The following MAGI2 variants were observed in gnomAD, a reference collection of about 807,000 sequenced individuals.
The protein encoded by MAGI2 is membrane associated guanylate kinase, WW and PDZ domain containing 2, also known as membrane-associated guanylate kinase, WW and PDZ domain-containing protein 2.
A neutral mutation model predicts 133.3 loss-of-function variants in MAGI2; 35 were observed. The ratio of observed to expected loss-of-function variants is 0.26; its 90% CI spans 0.20 to 0.35. The LOEUF is 0.35. Ranked by LOEUF, MAGI2 falls within the 10% of genes least tolerant of loss-of-function variation. The pLI is 1.00. For synonymous variants in MAGI2, 729 were observed against 710.6 expected, an observed-to-expected ratio of 1.03 and a Z score of -0.41; for missense variants, 1,636 against 1,863.4, an observed-to-expected ratio of 0.88 and a Z score of 2.25.
intron 2 of MAGI2, among the ~76,000 whole-genome samples, chr7:78,667,121 C>T (rs569802274): frequency 6.6e-6 from 1 of 152,044 alleles, no homozygotes; most frequent in Non-Finnish European, 1.5e-5. Context: ...TACTCATTTT[C>T]CCCCAATAGT....
At chr7:78,697,751 C>A (rs1201585924) in intron 2 of MAGI2, among the ~76,000 whole-genome samples, 1 of 152,048 alleles carries the variant, frequency 6.6e-6, no homozygotes. Context: ...GTGAGCTTTG[C>A]AATTTTTTTC....
intron 6 of MAGI2, among the ~76,000 whole-genome samples, chr7:78,385,352 T>C (rs115038105): frequency 0.013 from 1,966 of 152,296 alleles, 41 homozygotes; most frequent in African/African-American, 0.043. Flanking sequence ...CTTATCCTTG[T>C]TCCAGGTGGA....
chr7:79,054,280 G>C (rs1310484741), intron 1 of MAGI2, among the ~76,000 whole-genome samples: 2 of 152,062 alleles, frequency 1.3e-5, no homozygotes, highest in Non-Finnish European at 2.9e-5. Context: ...ATAAGAAAAA[G>C]TAGGAAATCA....
At chr7:78,413,134 C>T (rs1009694807) in intron 6 of MAGI2, among the ~76,000 whole-genome samples, 1 of 152,036 alleles carries the variant, frequency 6.6e-6, no homozygotes, top group South Asian at 2.1e-4. Context: ...TCTTAGTTCC[C>T]TCACCCGTAA....
chr7:79,417,278 T>C (rs1026971662), intron 1 of MAGI2, among the ~76,000 whole-genome samples: 2 of 152,116 alleles, frequency 1.3e-5, no homozygotes, highest in African/African-American at 4.8e-5. Flanking sequence ...ATAGAATTGA[T>C]TCAAAACCTA....
intron 1 of MAGI2, among the ~76,000 whole-genome samples, chr7:79,116,894 C>A (rs1426134956): frequency 6.6e-6 from 1 of 152,148 alleles, no homozygotes; most frequent in Admixed American, 6.5e-5. Flanking sequence ...CAGAAAGACA[C>A]TAGCACTATG....
At chr7:78,209,185 G>A (rs1312661581) in intron 10 of MAGI2, among the ~76,000 whole-genome samples, 1 of 33,772 alleles carries the variant, frequency 3.0e-5, no homozygotes. Context: ...TCGCGCCACT[G>A]CACTCCACCC....
At chr7:78,112,404 G>A (rs534619255) in intron 20 of MAGI2, among the ~76,000 whole-genome samples, 6 of 152,294 alleles carry the variant, frequency 3.9e-5, no homozygotes, top group African/African-American at 1.4e-4. Context: ...AGGCACAATA[G>A]GGTTTTGCAT....
chr7:78,428,764 T>C (rs1296692592), intron 6 of MAGI2, among the ~76,000 whole-genome samples: 1 of 152,166 alleles, frequency 6.6e-6, no homozygotes, highest in Non-Finnish European at 1.5e-5. Flanking sequence ...CGTATATTTC[T>C]CTTCCCTCCA....
At chr7:79,127,391 G>T (rs1316807741) in intron 1 of MAGI2, among the ~76,000 whole-genome samples, 1 of 152,020 alleles carries the variant, frequency 6.6e-6, no homozygotes, top group African/African-American at 2.4e-5. Flanking sequence ...TTCCACAATG[G>T]TTGAACTAGT....
At chr7:78,525,217 T>A (rs918882869) in intron 3 of MAGI2, among the ~76,000 whole-genome samples, 1 of 152,278 alleles carries the variant, frequency 6.6e-6, no homozygotes. Flanking sequence ...AAGATTATCT[T>A]TATTGGCAAT....
intron 9 of MAGI2, among the ~76,000 whole-genome samples, chr7:78,256,914 C>G (rs566155685): frequency 7.0e-4 from 107 of 152,256 alleles, no homozygotes; most frequent in Non-Finnish European, 1.4e-3. Context: ...ATCTTATATT[C>G]CATCTTCAGT....
chr7:78,548,011 T>A (rs887097172), intron 3 of MAGI2, among the ~76,000 whole-genome samples: 28 of 152,228 alleles, frequency 1.8e-4, no homozygotes, highest in African/African-American at 6.5e-4. Flanking sequence ...TGCTGATTAA[T>A]ACAATATCTT....
At chr7:79,040,733 G>A (rs1004375292) in intron 1 of MAGI2, among the ~76,000 whole-genome samples, 10 of 152,010 alleles carry the variant, frequency 6.6e-5, no homozygotes, top group Admixed American at 1.3e-4. Flanking sequence ...CATTTCCCCC[G>A]CTTGCACTCA....
chr7:78,644,859 TAA>T (rs770781222), intron 2 of MAGI2, among the ~76,000 whole-genome samples: 2 of 151,954 alleles, frequency 1.3e-5, no homozygotes, highest in African/African-American at 4.8e-5. Context: ...ATAAAACTGA[TAA>T]ACCTCCAAGC....
intron 20 of MAGI2, among the ~76,000 whole-genome samples, 154 bp from the exon 21 acceptor site, chr7:78,079,239 G>C (rs929105515): frequency 6.6e-6 from 1 of 152,176 alleles, no homozygotes; most frequent in Non-Finnish European, 1.5e-5. Flanking sequence ...TTCCCTGGCT[G>C]CATCCTGAAT....
At chr7:78,835,266 G>A (rs1791514361) in intron 2 of MAGI2, among the ~76,000 whole-genome samples, 1 of 152,000 alleles carries the variant, frequency 6.6e-6, no homozygotes, top group Non-Finnish European at 1.5e-5. Flanking sequence ...TTTTATTATA[G>A]CCATCCTAGT....
chr7:78,894,039 C>T (rs925088124), intron 2 of MAGI2, among the ~76,000 whole-genome samples: 1 of 152,140 alleles, frequency 6.6e-6, no homozygotes, highest in African/African-American at 2.4e-5. Context: ...CCGAAATGCA[C>T]TACCTTCAGT....
chr7:78,582,000 G>A (rs527666449), intron 3 of MAGI2, among the ~76,000 whole-genome samples: 1 of 152,290 alleles, frequency 6.6e-6, no homozygotes, highest in South Asian at 2.1e-4. Flanking sequence ...TGCTTTAGGG[G>A]AAGGTCAGGA....
Sources: gnomAD v4.1 joint callset for allele counts (sites outside exome capture counted in the v4.1 genomes callset) on GRCh38, gnomAD v4.1.1 for gene constraint, MANE v1.5 for transcripts, NCBI Gene and HGNC (gene_info 2026-07-23, HGNC 2026-07-21) for gene names.